The following GREB1L variants were observed in gnomAD, a reference collection of about 807,000 sequenced individuals.
GREB1L encodes the protein GREB1-like protein.
GREB1L carries 17 observed loss-of-function variants against 200.8 expected under a neutral mutation model. That is an observed-to-expected ratio of 0.08 (90% CI 0.06 to 0.13). The LOEUF (loss-of-function observed/expected upper bound fraction) is 0.13, where lower values mean the gene tolerates loss of function less well. GREB1L is among the 10% of genes least tolerant of loss of function. The pLI is 1.00. For missense variants in GREB1L, 1,657 were observed against 2,367.7 expected (o/e 0.70, Z 6.23); for synonymous variants, 789 against 893.0 (o/e 0.88, Z 2.08).
chr18:21,511,478 A>T (rs897000547), intron 27 of GREB1L, among the ~76,000 whole-genome samples: 21 of 152,148 alleles, frequency 1.4e-4, no homozygotes, highest in Non-Finnish European at 2.8e-4. Context: ...TATGTAAGAG[A>T]TCACTGCCAA....
Position 21,384,297 on chromosome 18 carries a change from T to G in GREB1L, c.249T>G (p.Val83=). 2 of 1,550,898 alleles carry G rather than the reference T, an allele frequency of 1.3e-6. No individual in the cohort carries two copies. Among genetic ancestry groups the G allele is most frequent in the South Asian group, 2.4e-5 (2 of 84,040 alleles). ...GSLDFSNNLT[V]NEMEDDEDDE... ...TGGATTTTTCTAACAATCTAACAGT[T>G]AATGAAATGGAAGATGATGAAGACG... is the stretch of plus-strand genomic sequence containing the variant. The change falls in exon 4 of 33, where the codon GTT becomes GTG. Residue 83 remains valine, a synonymous_variant. Transcript: ENST00000424526.
At chr18:21,264,398 C>T (rs761242005) in intron 1 of GREB1L, among the ~76,000 whole-genome samples, 4 of 151,994 alleles carry the variant, frequency 2.6e-5, no homozygotes, top group South Asian at 2.1e-4. Flanking sequence ...TTACTCTATT[C>T]GATGCTAATA....
At chr18:21,264,059 A>G (rs772520476) in intron 1 of GREB1L, among the ~76,000 whole-genome samples, 2 of 152,248 alleles carry the variant, frequency 1.3e-5, no homozygotes, top group Non-Finnish European at 2.9e-5. Context: ...TGATAACTTC[A>G]AAATCAAGCA....
At chr18:21,458,190 C>T (rs759149440) in intron 15 of GREB1L, among the ~76,000 whole-genome samples, 5 of 151,990 alleles carry the variant, frequency 3.3e-5, no homozygotes, top group Admixed American at 2.0e-4. Flanking sequence ...AGGCTGGTCT[C>T]GAACTTCCGA....
intron 1 of GREB1L, among the ~76,000 whole-genome samples, chr18:21,250,913 G>T (rs551039138): frequency 6.6e-6 from 1 of 152,068 alleles, no homozygotes; most frequent in African/African-American, 2.4e-5. Context: ...ACCACGCTAA[G>T]TCAAACATCA....
intron 1 of GREB1L, among the ~76,000 whole-genome samples, chr18:21,349,795 G>A (rs2039406832): frequency 6.6e-6 from 1 of 151,974 alleles, no homozygotes; most frequent in South Asian, 2.1e-4. Context: ...ATATTATGGT[G>A]CATTGTATAA....
intron 1 of GREB1L, among the ~76,000 whole-genome samples, chr18:21,252,053 TCACTAGCTATTCACAGAAC>T (rs1480022013): frequency 6.6e-6 from 1 of 152,142 alleles, no homozygotes; most frequent in African/African-American, 2.4e-5. Flanking sequence ...GCAAACATTG[TCACTAGCTATTCACAGAAC>T]CACTATTCCA....
chr18:21,403,850 T>C (rs1472189518), intron 6 of GREB1L, 22 bp from the exon 7 acceptor site: 2 of 1,547,362 alleles, frequency 1.3e-6, no homozygotes, highest in South Asian at 1.2e-5. Flanking sequence ...CTTCATACAA[T>C]GTGATTTTTA....
At chr18:21,388,085 A>G (rs1402787575) in intron 4 of GREB1L, among the ~76,000 whole-genome samples, 4 of 152,126 alleles carry the variant, frequency 2.6e-5, no homozygotes, top group Non-Finnish European at 4.4e-5. Flanking sequence ...CTGAATTCAT[A>G]AACTTTTGCT....
intron 1 of GREB1L, among the ~76,000 whole-genome samples, chr18:21,297,464 C>G (rs1218939784): frequency 3.9e-5 from 6 of 152,130 alleles, no homozygotes; most frequent in Non-Finnish European, 4.4e-5. Context: ...GAGCACCTGT[C>G]AGGAGTGGGG....
intron 7 of GREB1L, among the ~76,000 whole-genome samples, chr18:21,414,757 G>A (rs1448562967): frequency 2.0e-5 from 3 of 152,096 alleles, no homozygotes; most frequent in Non-Finnish European, 2.9e-5. Context: ...AGAACACCAC[G>A]GTTATAGAAT....
intron 7 of GREB1L, among the ~76,000 whole-genome samples, chr18:21,428,924 G>T (rs554186650): frequency 1.3e-5 from 2 of 151,948 alleles, no homozygotes; most frequent in Non-Finnish European, 1.5e-5. Flanking sequence ...CACCATGTTG[G>T]CCAGGCTGGT....
At chr18:21,244,348 C>A (rs1567905818) in intron 1 of GREB1L, among the ~76,000 whole-genome samples, 1 of 152,134 alleles carries the variant, frequency 6.6e-6, no homozygotes, top group Non-Finnish European at 1.5e-5. Context: ...CGTGTGTATA[C>A]TCCCATTGAC....
chr18:21,506,000 A>G, intron 25 of GREB1L, 51 bp downstream of exon 25: 1 of 1,515,136 alleles, frequency 6.6e-7, no homozygotes, highest in South Asian at 1.3e-5. Flanking sequence ...TGGATTTTGT[A>G]TGTAAGGGTG....
intron 17 of GREB1L, among the ~76,000 whole-genome samples, chr18:21,478,014 C>A (rs2145737925): frequency 6.6e-6 from 1 of 152,272 alleles, no homozygotes; most frequent in Non-Finnish European, 1.5e-5. Context: ...TTCCTTTGTG[C>A]CTTCATATGA....
Position 21,462,499 on chromosome 18 carries a change from G to A in GREB1L, c.2182+7936G>A, listed in dbSNP as rs112390465. Among the ~76,000 whole-genome samples the A allele has an allele frequency of 7.9e-3, 1,203 of 152,320 alleles. 20 individuals carry two copies. The highest frequency in any genetic ancestry group is 0.028 in the African/African-American group (1,159 of 41,556). ...GAGTCTTGCTCTGTCACCCAGGCTG[G>A]AGTGCAGTGGCACGATCTTGGCTCA... On this transcript the variant is annotated intron_variant, in intron 15 of 32. Coordinates refer to ENST00000424526, the MANE Select transcript of GREB1L (RefSeq NM_001142966.3).
chr18:21,480,745 C>CA (rs1479886785), intron 17 of GREB1L, among the ~76,000 whole-genome samples: 1 of 152,116 alleles, frequency 6.6e-6, no homozygotes, highest in Non-Finnish European at 1.5e-5. Context: ...TTAGGCCAAG[C>CA]ACAGTGGCTC....
chr18:21,490,356 G>A lies in GREB1L; in HGVS notation c.3030+5G>A. ...CACTTTGTGGCGCGATTAAAGGTTA[G>A]CAATGGACAGACATTTCTCCTTTAA... On this transcript the variant is annotated splice_donor_5th_base_variant and intron_variant, in intron 19 of 32. Transcript: ENST00000424526. 2 of 1,546,184 alleles carry A rather than the reference G, an allele frequency of 1.3e-6. No homozygotes were observed. The highest frequency in any genetic ancestry group is 1.8e-6 in the Non-Finnish European group (2 of 1,142,422).
chr18:21,514,089 C>T, intron 28 of GREB1L, 103 bp downstream of exon 28: 2 of 1,178,930 alleles, frequency 1.7e-6, no homozygotes, highest in South Asian at 1.6e-5. Context: ...AGACAGCTTT[C>T]CAGAGCAAAA....
Sources: allele counts gnomAD v4.1 joint callset (sites outside exome capture counted in the v4.1 genomes callset), GRCh38; gene constraint gnomAD v4.1.1; transcripts MANE v1.5; gene names NCBI Gene and HGNC (gene_info 2026-07-23, HGNC 2026-07-21).